Variants in HSPBAP1 observed in about 807,000 individuals in gnomAD.
HSPBAP1 encodes the protein HSPB1-associated protein 1.
In HSPBAP1, 27 loss-of-function variants were observed where a neutral mutation model predicts 45.2. The observed-to-expected ratio is 0.60, with a 90% CI of 0.44 to 0.82. The LOEUF is 0.82. HSPBAP1 is among the 40% of genes least tolerant of loss of function. The probability of loss-of-function intolerance (pLI) is 0.00; values close to 1 mark genes in which losing one functional copy is unlikely to be tolerated. For missense variants in HSPBAP1, 510 were observed against 590.9 expected (o/e 0.86, Z 1.42); for synonymous variants, 204 against 202.7 (o/e 1.01, Z -0.06).
chr3:122,755,506 T>A, intron 4 of HSPBAP1, 75 bp from the exon 5 acceptor site: 1 of 1,105,738 alleles, frequency 9.0e-7, no homozygotes, highest in Non-Finnish European at 1.2e-6. Context: ...AGACAAAAGC[T>A]AAGTGTTCAT....
chr3:122,768,580 C>T, intron 3 of HSPBAP1, 121 bp downstream of exon 3: 1 of 672,730 alleles, frequency 1.5e-6, no homozygotes, highest in Non-Finnish European at 2.5e-6. Flanking sequence ...GTGAAATATC[C>T]AAGATTCATG....
At chr3:122,759,826 T>C (rs77031415) in intron 3 of HSPBAP1, among the ~76,000 whole-genome samples, 2,206 of 152,330 alleles carry the variant, frequency 0.014, 28 homozygotes, top group Non-Finnish European at 0.021. Context: ...GAAAGCCGTA[T>C]TTCCTCTAAG....
intron 1 of HSPBAP1, among the ~76,000 whole-genome samples, chr3:122,789,429 A>G (rs1209978749): frequency 6.6e-6 from 1 of 152,216 alleles, no homozygotes; most frequent in African/African-American, 2.4e-5. Context: ...GCTTCAATCT[A>G]TGTATGATTC....
chr3:122,761,056 T>G (rs1164538900), intron 3 of HSPBAP1, among the ~76,000 whole-genome samples: 1 of 152,190 alleles, frequency 6.6e-6, no homozygotes, highest in Non-Finnish European at 1.5e-5. Context: ...AGGAGGGCCC[T>G]GCACCCAGCC....
intron 6 of HSPBAP1, among the ~76,000 whole-genome samples, chr3:122,747,652 G>A (rs1198125416): frequency 6.8e-6 from 1 of 146,208 alleles, no homozygotes; most frequent in Admixed American, 6.7e-5. Flanking sequence ...CCCCCCGCCC[G>A]GCCAGCCGCC....
intron 1 of HSPBAP1, among the ~76,000 whole-genome samples, chr3:122,785,024 T>C (rs1935607536): frequency 6.6e-6 from 1 of 152,216 alleles, no homozygotes; most frequent in Non-Finnish European, 1.5e-5. Context: ...ACCAGATTTA[T>C]CAGGTCCCCT....
chr3:122,783,396 T>C (rs1560166740), intron 1 of HSPBAP1, among the ~76,000 whole-genome samples: 1 of 152,204 alleles, frequency 6.6e-6, no homozygotes, highest in Non-Finnish European at 1.5e-5. Flanking sequence ...TCCGCGTGTA[T>C]GAAAATGAAC....
intron 3 of HSPBAP1, among the ~76,000 whole-genome samples, chr3:122,762,963 C>T (rs758745063): frequency 6.6e-6 from 1 of 152,056 alleles, no homozygotes; most frequent in Non-Finnish European, 1.5e-5. Flanking sequence ...TATTGAAATC[C>T]CCCTACTATA....
chr3:122,790,109 T>TGCCTC (rs1298328577), intron 1 of HSPBAP1, among the ~76,000 whole-genome samples: 2 of 152,134 alleles, frequency 1.3e-5, no homozygotes, highest in African/African-American at 4.8e-5. Flanking sequence ...GCGATCTGCC[T>TGCCTC]GCCTCGCCTC....
chr3:122,780,211 C>G (rs1211873825), intron 1 of HSPBAP1, among the ~76,000 whole-genome samples: 1 of 71,274 alleles, frequency 1.4e-5, no homozygotes, highest in Admixed American at 1.2e-4. Flanking sequence ...CCCTCCCGGA[C>G]GGGGCGGCTG....
chr3:122,741,137 A>G (rs749634773), intron 6 of HSPBAP1, 24 bp from the exon 7 acceptor site: 1 of 1,517,048 alleles, frequency 6.6e-7, no homozygotes, highest in South Asian at 1.1e-5. Flanking sequence ...ACACGCTTTT[A>G]ACTTCTGTTA....
chr3:122,756,358 A>T (rs1471895238), intron 4 of HSPBAP1, among the ~76,000 whole-genome samples: 1 of 152,196 alleles, frequency 6.6e-6, no homozygotes, highest in Admixed American at 6.5e-5. Flanking sequence ...TGAAGGTTTT[A>T]TAGAAATAGT....
At chr3:122,782,873 GT>G (rs1935534502) in intron 1 of HSPBAP1, among the ~76,000 whole-genome samples, 1 of 152,204 alleles carries the variant, frequency 6.6e-6, no homozygotes, top group African/African-American at 2.4e-5. Context: ...GGTAAGGCTT[GT>G]TTTTAAAGAA....
chr3:122,778,512 CTTTTT>C (rs764699673), intron 1 of HSPBAP1, among the ~76,000 whole-genome samples: 1 of 124,954 alleles, frequency 8.0e-6, no homozygotes, highest in African/African-American at 3.1e-5. Flanking sequence ...TCTAGTATTT[CTTTTT>C]TTTTTATTTT....
chr3:122,741,773 A>G (rs1261893396), intron 6 of HSPBAP1: 1 of 152,252 alleles, frequency 6.6e-6, no homozygotes, highest in Non-Finnish European at 1.5e-5. Context: ...AAGCATTTTA[A>G]AAAGGAGCAA....
At chr3:122,747,448 G>A (rs529427552) in intron 6 of HSPBAP1, among the ~76,000 whole-genome samples, 129 of 145,248 alleles carry the variant, frequency 8.9e-4, no homozygotes, top group South Asian at 2.8e-3. Context: ...AGTGAGGAGC[G>A]TCTCCGCCCG....
At chr3:122,793,225 A>G (rs549346790) in intron 1 of HSPBAP1, among the ~76,000 whole-genome samples, 1 of 152,234 alleles carries the variant, frequency 6.6e-6, no homozygotes, top group Non-Finnish European at 1.5e-5. Context: ...GAAATAGAAT[A>G]AAAGCGCATA....
chr3:122,767,567 A>G (rs1934831287), intron 3 of HSPBAP1, among the ~76,000 whole-genome samples: 2 of 152,030 alleles, frequency 1.3e-5, no homozygotes, highest in Admixed American at 1.3e-4. Context: ...CAAAACAACA[A>G]TGACAACAAC....
chr3:122,754,335 C>T (rs114231180), intron 5 of HSPBAP1: 170 of 157,518 alleles, frequency 1.1e-3, no homozygotes, highest in African/African-American at 3.9e-3. Context: ...CATTCTATGA[C>T]GTGGATGACC....
Sources: gnomAD v4.1 joint callset for allele counts (sites outside exome capture counted in the v4.1 genomes callset) on GRCh38, gnomAD v4.1.1 for gene constraint, MANE v1.5 for transcripts, NCBI Gene and HGNC (gene_info 2026-07-23, HGNC 2026-07-21) for gene names.